JARID2: variants seen among roughly 807,000 people sequenced by gnomAD.
The protein encoded by JARID2 is jumonji and AT-rich interaction domain containing 2, also known as protein Jumonji.
A neutral mutation model predicts 125.6 loss-of-function variants in JARID2; 21 were observed. That is an observed-to-expected ratio of 0.17 (90% CI 0.12 to 0.24). JARID2 has a LOEUF of 0.24. Among genes scored for constraint, JARID2 ranks in the 10% least tolerant of loss-of-function variants. The pLI is 1.00. For missense variants in JARID2, 1,303 were observed against 1,639.6 expected, an observed-to-expected ratio of 0.79 and a Z score of 3.55; for synonymous variants, 736 against 661.6, an observed-to-expected ratio of 1.11 and a Z score of -1.73.
intron 3 of JARID2, among the ~76,000 whole-genome samples, chr6:15,414,764 G>GT (rs577943971): frequency 5.1e-4 from 75 of 147,124 alleles, no homozygotes; most frequent in Middle Eastern, 3.5e-3. Context: ...GGGTGAGATT[G>GT]TTTTTTTTTT....
chr6:15,397,449 A>G (rs1334613351), intron 2 of JARID2, among the ~76,000 whole-genome samples: 3 of 152,166 alleles, frequency 2.0e-5, no homozygotes, highest in Admixed American at 2.0e-4. Context: ...GTTTTGGGGA[A>G]ATTATTAATA....
At chr6:15,264,661 G>T (rs1305374298) in intron 1 of JARID2, among the ~76,000 whole-genome samples, 3 of 151,890 alleles carry the variant, frequency 2.0e-5, no homozygotes, top group African/African-American at 4.8e-5. Flanking sequence ...GAGATAGAGA[G>T]AGAGAGAGAA....
intron 5 of JARID2, among the ~76,000 whole-genome samples, chr6:15,480,967 A>G (rs1769586334): frequency 6.6e-6 from 1 of 152,236 alleles, no homozygotes; most frequent in African/African-American, 2.4e-5. Flanking sequence ...GTTTAGGACA[A>G]GCTCCCTGGA....
chr6:15,316,554 A>G (rs1200084276), intron 1 of JARID2, among the ~76,000 whole-genome samples: 1 of 151,600 alleles, frequency 6.6e-6, no homozygotes, highest in African/African-American at 2.4e-5. Flanking sequence ...ATTTTTTTTG[A>G]GATGGAGTCT....
At chr6:15,339,479 A>G (rs1762992101) in intron 1 of JARID2, among the ~76,000 whole-genome samples, 1 of 151,598 alleles carries the variant, frequency 6.6e-6, no homozygotes, top group African/African-American at 2.4e-5. Flanking sequence ...CCCAGGGTGC[A>G]CCTCTTAACT....
At chr6:15,334,586 T>C (rs1762818341) in intron 1 of JARID2, among the ~76,000 whole-genome samples, 1 of 152,212 alleles carries the variant, frequency 6.6e-6, no homozygotes, top group African/African-American at 2.4e-5. Flanking sequence ...CTTGCTCCTT[T>C]TGCTGTTTTC....
chr6:15,371,591 T>C (rs1347140952), intron 1 of JARID2, among the ~76,000 whole-genome samples: 1 of 152,250 alleles, frequency 6.6e-6, no homozygotes, highest in Non-Finnish European at 1.5e-5. Context: ...GGAGTTGCTG[T>C]AAAGATTAAT....
chr6:15,248,997 A>G lies in JARID2; in HGVS notation c.45+2413A>G, dbSNP rs1007096413. 6 of 977,778 alleles carry G rather than the reference A, an allele frequency of 6.1e-6. No individual in the cohort carries two copies. The African/African-American group carries it at 8.7e-5, about 14-fold the overall frequency. 60.6% of individuals were successfully genotyped at this position (977,778 alleles called of 1,614,324 possible). ...CCGGGGAGCCGTAGGTCCCCAAAGGAGTGCCACTGGACCCTGTTCTGATGC... is the reference window on the plus strand; with the variant it reads ...CCGGGGAGCCGTAGGTCCCCAAAGGGGTGCCACTGGACCCTGTTCTGATGC... On this transcript the variant is annotated intron_variant, in intron 1 of 17. Coordinates refer to ENST00000341776, the MANE Select transcript of JARID2 (RefSeq NM_004973.4).
intron 1 of JARID2, among the ~76,000 whole-genome samples, chr6:15,314,622 C>G (rs770980941): frequency 1.3e-5 from 2 of 152,080 alleles, no homozygotes; most frequent in Non-Finnish European, 2.9e-5. Context: ...TAGAAGCGGA[C>G]AGAACCCTGG....
chr6:15,414,115 C>T (rs1766022775), intron 3 of JARID2, among the ~76,000 whole-genome samples: 2 of 152,006 alleles, frequency 1.3e-5, no homozygotes, highest in South Asian at 4.1e-4. Context: ...CTTTTGTCTA[C>T]AGTAGGGTGA....
chr6:15,499,366 G>A (rs1384567795), intron 7 of JARID2, among the ~76,000 whole-genome samples: 2 of 152,200 alleles, frequency 1.3e-5, no homozygotes, highest in African/African-American at 4.8e-5. Flanking sequence ...CAGCCTCAAG[G>A]CCCTGAGTGG....
rs767785988 is a variant in JARID2 at position 15,501,247 on chromosome 6, C to T, written c.2286C>T (p.His762=). Residue 762 remains histidine, a synonymous_variant, in exon 8 of 18, where the codon CAC becomes CAT. Coordinates refer to ENST00000341776, the MANE Select transcript of JARID2 (RefSeq NM_004973.4). ...PRFEPKNGLI[H]GVAPRNGFRS... ...TCGAGCCCAAGAATGGGCTCATCCA[C>T]GGCGTGGCCCCCAGGAACGGCTTCC... The T allele has an allele frequency of 5.3e-5, 85 of 1,613,468 alleles. No individual in the cohort carries two copies. The highest frequency in any genetic ancestry group is 1.6e-4 in the Middle Eastern group (1 of 6,082).
intron 1 of JARID2, among the ~76,000 whole-genome samples, chr6:15,331,605 T>A (rs1406653536): frequency 6.6e-6 from 1 of 151,138 alleles, no homozygotes; most frequent in East Asian, 2.0e-4. Context: ...GTGGCTCACG[T>A]CTGTAATCCC....
intron 3 of JARID2, among the ~76,000 whole-genome samples, chr6:15,416,263 GC>G (rs1269226296): frequency 6.6e-6 from 1 of 152,130 alleles, no homozygotes; most frequent in Non-Finnish European, 1.5e-5. Flanking sequence ...AGGCAGAGAC[GC>G]TTCTCACTTC....
intron 3 of JARID2, among the ~76,000 whole-genome samples, chr6:15,438,403 C>G (rs1767303584): frequency 6.6e-6 from 1 of 152,152 alleles, no homozygotes; most frequent in Admixed American, 6.5e-5. Context: ...GCTGGCATAA[C>G]ATTCTGCTGA....
intron 1 of JARID2, among the ~76,000 whole-genome samples, chr6:15,366,518 CGGGGGGGGTGGGGGGT>C (rs1158763111): frequency 1.4e-4 from 2 of 14,408 alleles, no homozygotes; most frequent in Non-Finnish European, 3.8e-4. Flanking sequence ...GCGGGGGGGG[CGGGGGGGGTGGGGGGT>C]GGGGTTGGCA....
intron 7 of JARID2, among the ~76,000 whole-genome samples, chr6:15,498,486 G>A (rs559184276): frequency 2.0e-5 from 3 of 152,342 alleles, no homozygotes; most frequent in African/African-American, 7.2e-5. Context: ...TTAAGGCTAA[G>A]TGGATTCTGT....
chr6:15,366,552 T>C (rs1359438797), intron 1 of JARID2, among the ~76,000 whole-genome samples: 1 of 148,272 alleles, frequency 6.7e-6, no homozygotes, highest in African/African-American at 2.5e-5. Context: ...GCAACTCCAA[T>C]TGCCATGTCT....
chr6:15,462,619 C>T (rs941604488), intron 4 of JARID2, among the ~76,000 whole-genome samples: 1 of 152,148 alleles, frequency 6.6e-6, no homozygotes, highest in Non-Finnish European at 1.5e-5. Context: ...GTTTATGTAT[C>T]CCGAAGATGA....
Sources: gnomAD v4.1 joint callset for allele counts (sites outside exome capture counted in the v4.1 genomes callset) on GRCh38, gnomAD v4.1.1 for gene constraint, MANE v1.5 for transcripts, NCBI Gene and HGNC (gene_info 2026-07-23, HGNC 2026-07-21) for gene names.